DENND1A: variants seen among roughly 807,000 people sequenced by gnomAD.
DENND1A encodes DENN domain-containing protein 1A.
A neutral mutation model predicts 113.7 loss-of-function variants in DENND1A; 51 were observed. The ratio of observed to expected loss-of-function variants is 0.45; its 90% CI spans 0.36 to 0.57. DENND1A has a LOEUF of 0.57. DENND1A is among the 20% of genes least tolerant of loss of function. DENND1A has a pLI of 0.00. For missense variants in DENND1A, 1,258 were observed against 1,395.9 expected, an observed-to-expected ratio of 0.90 and a Z score of 1.57; for synonymous variants, 565 against 570.8, an observed-to-expected ratio of 0.99 and a Z score of 0.14.
At chr9:123,404,270 G>A (rs2043754008) in intron 20 of DENND1A, among the ~76,000 whole-genome samples, 1 of 152,188 alleles carries the variant, frequency 6.6e-6, no homozygotes, top group Admixed American at 6.5e-5. Context: ...CAGAGTTCGT[G>A]ATGGATGTTA....
intron 5 of DENND1A, among the ~76,000 whole-genome samples, chr9:123,720,224 G>C (rs2067243015): frequency 6.6e-6 from 1 of 152,208 alleles, no homozygotes. Context: ...GAGAGCAGGT[G>C]TAACAGATTG....
intron 13 of DENND1A, among the ~76,000 whole-genome samples, chr9:123,470,925 C>T (rs1377527333): frequency 2.0e-5 from 3 of 152,098 alleles, no homozygotes; most frequent in Non-Finnish European, 4.4e-5. Flanking sequence ...CAGGAGACTT[C>T]GGTAGGAAGT....
chr9:123,427,616 G>A (rs993434020), intron 19 of DENND1A, among the ~76,000 whole-genome samples: 8 of 152,170 alleles, frequency 5.3e-5, no homozygotes, highest in African/African-American at 1.2e-4. Context: ...GGTATGAACC[G>A]TTCTCTGCTG....
intron 2 of DENND1A, among the ~76,000 whole-genome samples, chr9:123,810,382 T>C (rs75041694): frequency 0.029 from 4,365 of 151,856 alleles, 110 homozygotes; most frequent in Non-Finnish European, 0.04. Flanking sequence ...ATGTGCAGTA[T>C]TGGGGAAGGC....
At position 123,755,565 on chromosome 9, in the gene DENND1A, T is replaced by C. The variant is rs181857831; in HGVS notation, c.302+2138A>G. 1.0e-3 allele frequency among the ~76,000 whole-genome samples: 155 copies of C among 151,712 alleles called. 1 individual carries two copies. Among genetic ancestry groups the C allele is most frequent in the Admixed American group, 9.9e-3 (151 of 15,248 alleles). ...AGTGAGCCCACGTGCCTGGCCAATA[T>C]GTGGATTTTTTAAAGTAAAAGTTAT... On this transcript the variant is annotated intron_variant, in intron 5 of 23. Coordinates refer to ENST00000394215, the MANE Select transcript of DENND1A (RefSeq NM_001352964.2).
In DENND1A at chr9:123,403,484, G is replaced by T; in HGVS notation, c.1549C>A (p.Pro517Thr). 2.5e-6 allele frequency: 4 copies of T among 1,614,100 alleles called. No homozygotes were observed. Among genetic ancestry groups the T allele is most frequent in the African/African-American group, 1.3e-5 (1 of 75,034 alleles). ...CTCTTAACAACATGTGGACGAGGTG[G>T]GCGCACCTAGAGGAGGTACAGGGGG... ...PKIQRSRPVR[P>T]PRPHVVKRPK... is the part of the protein sequence containing the mutation. Residue 517 changes from proline to threonine, a missense_variant, in exon 21 of 24, where the codon CCA (proline) becomes ACA (threonine). Around this residue, in one of 2 missense-constraint regions of DENND1A, gnomAD observed 1,159 missense variants for 1,231.7 expected, o/e 0.94. Transcript: ENST00000394215.
chr9:123,902,727 G>GA (rs556992133), intron 1 of DENND1A, among the ~76,000 whole-genome samples: 5,582 of 133,440 alleles, frequency 0.042, 105 homozygotes, highest in Middle Eastern at 0.059. Flanking sequence ...ATAGAACAGA[G>GA]AAAAAAAAAA....
At chr9:123,564,887 C>T (rs2057961743) in intron 12 of DENND1A, among the ~76,000 whole-genome samples, 1 of 151,962 alleles carries the variant, frequency 6.6e-6, no homozygotes, top group Non-Finnish European at 1.5e-5. Flanking sequence ...CGAAGGTTCC[C>T]CTATTATACA....
chr9:123,412,250 C>T (rs1273827364), intron 19 of DENND1A, among the ~76,000 whole-genome samples: 2 of 152,256 alleles, frequency 1.3e-5, no homozygotes, highest in Non-Finnish European at 2.9e-5. Flanking sequence ...CCTTTCTCAA[C>T]CTTCACCCAT....
At chr9:123,392,991 A>C (rs979737891) in intron 21 of DENND1A, among the ~76,000 whole-genome samples, 14 of 152,176 alleles carry the variant, frequency 9.2e-5, no homozygotes, top group Non-Finnish European at 1.8e-4. Flanking sequence ...GATGCCATTA[A>C]TTCATTCCTT....
At chr9:123,735,307 T>A (rs2068481142) in intron 5 of DENND1A, among the ~76,000 whole-genome samples, 1 of 151,914 alleles carries the variant, frequency 6.6e-6, no homozygotes, top group Non-Finnish European at 1.5e-5. Flanking sequence ...ATTTGTACAC[T>A]CTCTCTCTCT....
At chr9:123,805,330 A>G (rs1835355044) in intron 2 of DENND1A, among the ~76,000 whole-genome samples, 2 of 152,124 alleles carry the variant, frequency 1.3e-5, no homozygotes, top group Admixed American at 1.3e-4. Context: ...AGATTTTGTA[A>G]TATTTCATAT....
At chr9:123,779,984 G>A (rs1831043091) in intron 3 of DENND1A, among the ~76,000 whole-genome samples, 1 of 142,756 alleles carries the variant, frequency 7.0e-6, no homozygotes, top group African/African-American at 3.0e-5. Context: ...CTCCTGAGTA[G>A]CTGGGATTAC....
intron 13 of DENND1A, among the ~76,000 whole-genome samples, chr9:123,462,488 G>T (rs1382684848): frequency 2.0e-5 from 3 of 152,148 alleles, no homozygotes; most frequent in Non-Finnish European, 4.4e-5. Context: ...CCCTGGACAG[G>T]AGAGTTCTCT....
intron 4 of DENND1A, among the ~76,000 whole-genome samples, chr9:123,763,226 G>C (rs542922436): frequency 1.3e-5 from 2 of 152,276 alleles, no homozygotes; most frequent in South Asian, 4.1e-4. Flanking sequence ...AGTAGGAGTA[G>C]AGAAAATAAT....
At chr9:123,774,775 A>C (rs1830228750) in intron 3 of DENND1A, among the ~76,000 whole-genome samples, 1 of 152,178 alleles carries the variant, frequency 6.6e-6, no homozygotes, top group Admixed American at 6.5e-5. Flanking sequence ...TTTTATATGT[A>C]ATACCTAATA....
At chr9:123,559,328 A>T (rs1312790759) in intron 12 of DENND1A, among the ~76,000 whole-genome samples, 2 of 152,240 alleles carry the variant, frequency 1.3e-5, no homozygotes, top group Non-Finnish European at 1.5e-5. Flanking sequence ...TAACATATCA[A>T]GAGCACGTTT....
chr9:123,702,972 A>C (rs2065969390), intron 5 of DENND1A, among the ~76,000 whole-genome samples: 1 of 152,216 alleles, frequency 6.6e-6, no homozygotes. Flanking sequence ...CTATTTTAAA[A>C]ATAACTACAA....
At chr9:123,801,129 CTA>C (rs1834583107) in intron 2 of DENND1A, among the ~76,000 whole-genome samples, 1 of 152,216 alleles carries the variant, frequency 6.6e-6, no homozygotes, top group Admixed American at 6.5e-5. Context: ...GAAGCAGTGC[CTA>C]TGTCCTTTGA....
Sources: gnomAD v4.1 joint callset for allele counts (sites outside exome capture counted in the v4.1 genomes callset) on GRCh38, gnomAD v4.1.1 for gene constraint, gnomAD v4.1.1 regional missense constraint, MANE v1.5 for transcripts, NCBI Gene and HGNC (gene_info 2026-07-23, HGNC 2026-07-21) for gene names.